SHOC2: variants seen among roughly 807,000 people sequenced by gnomAD.
SHOC2 encodes SHOC2 leucine rich repeat scaffold protein.
A neutral mutation model predicts 50.2 loss-of-function variants in SHOC2; 4 were observed. The observed-to-expected ratio is 0.08, with a 90% CI of 0.04 to 0.18. The LOEUF (loss-of-function observed/expected upper bound fraction) is 0.18, where lower values mean the gene tolerates loss of function less well. Ranked by LOEUF, SHOC2 falls within the 10% of genes least tolerant of loss-of-function variation. SHOC2 has a pLI of 1.00. For synonymous variants in SHOC2, 218 were observed against 244.5 expected, an observed-to-expected ratio of 0.89 and a Z score of 1.01; for missense variants, 388 against 669.6, an observed-to-expected ratio of 0.58 and a Z score of 4.64.
At chr10:110,997,778 A>G (rs1196197552) in intron 3 of SHOC2, among the ~76,000 whole-genome samples, 3 of 152,190 alleles carry the variant, frequency 2.0e-5, no homozygotes, top group Non-Finnish European at 2.9e-5. Context: ...GAACAGACAC[A>G]GAGAGGTTAA....
intron 1 of SHOC2, among the ~76,000 whole-genome samples, chr10:110,940,672 T>C (rs1265163383): frequency 6.6e-6 from 1 of 152,230 alleles, no homozygotes; most frequent in Non-Finnish European, 1.5e-5. Flanking sequence ...TTTACTGTGA[T>C]GATTTTATCA....
intron 5 of SHOC2, among the ~76,000 whole-genome samples, chr10:111,005,136 A>G (rs1024329697): frequency 6.6e-6 from 1 of 152,102 alleles, no homozygotes; most frequent in African/African-American, 2.4e-5. Context: ...AAATTTTTTA[A>G]AAATTAGCTG....
In SHOC2 at chr10:110,964,399, A is replaced by C. The variant is rs1316833682; in HGVS notation, c.41A>C (p.Lys14Thr). Reference sequence around the variant, plus strand: ...GGAAAAGAAAAAGACTCTAAAGAAAAAGATCCCAAAGTACCATCAGCCAAG... The same window carrying C: ...GGAAAAGAAAAAGACTCTAAAGAAACAGATCCCAAAGTACCATCAGCCAAG... ...SLGKEKDSKE[K>T]DPKVPSAKER... Residue 14 changes from lysine (K) to threonine (T), a missense_variant, in exon 2 of 9, where the codon AAA becomes ACA. By Grantham distance (78) the Lys-to-Thr change is moderately conservative. Transcript: ENST00000369452. The surrounding 1 kb of genome is among the most constrained non-coding windows in gnomAD (Gnocchi z 4.9). The C allele has an allele frequency of 6.2e-7, 1 of 1,613,206 alleles. No individual in the cohort carries two copies. Among genetic ancestry groups the C allele is most frequent in the Admixed American group, 1.7e-5 (1 of 59,764 alleles).
intron 1 of SHOC2, among the ~76,000 whole-genome samples, chr10:110,947,766 C>CAA (rs35892835): frequency 0.018 from 1,859 of 104,748 alleles, 15 homozygotes; most frequent in Non-Finnish European, 0.023. Flanking sequence ...AAATAAGTAC[C>CAA]AAAAAAAAAA....
At chr10:110,937,609 C>T (rs991521799) in intron 1 of SHOC2, among the ~76,000 whole-genome samples, 2 of 152,174 alleles carry the variant, frequency 1.3e-5, no homozygotes, top group East Asian at 1.9e-4. Flanking sequence ...ACCATACCAT[C>T]TTTCAAATTA....
chr10:110,925,696 A>G (rs986169854), intron 1 of SHOC2, among the ~76,000 whole-genome samples: 1 of 152,302 alleles, frequency 6.6e-6, no homozygotes, highest in African/African-American at 2.4e-5. Flanking sequence ...AGCTCAAACA[A>G]TCCACCTGCC....
At chr10:110,929,577 C>T (rs1017413779) in intron 1 of SHOC2, among the ~76,000 whole-genome samples, 4 of 152,120 alleles carry the variant, frequency 2.6e-5, no homozygotes, top group African/African-American at 9.7e-5. Context: ...CTAGAAAGTC[C>T]GAGATTGAGG....
In SHOC2 at chr10:111,009,814, C is replaced by T; in HGVS notation, c.1524C>T (p.His508=). ...HLGLGENLLT[H]LPEEIGTLEN... is the part of the protein sequence containing the mutation. ...GCCTTGGAGAGAACCTACTTACTCA[C>T]CTTCCTGAAGAAATTGGTATGAACC... The change falls in exon 8 of 9, where the codon CAC becomes CAT. Residue 508 remains histidine (H), a synonymous_variant. Transcript: ENST00000369452. 2.5e-6 allele frequency: 4 copies of T among 1,599,078 alleles called. No homozygotes were observed. Among genetic ancestry groups the T allele is most frequent in the Non-Finnish European group, 3.4e-6 (4 of 1,166,358 alleles).
chr10:110,934,112 GTA>G (rs1846950100), intron 1 of SHOC2, among the ~76,000 whole-genome samples: 1 of 152,210 alleles, frequency 6.6e-6, no homozygotes, highest in Non-Finnish European at 1.5e-5. Context: ...GGCTGGAAGA[GTA>G]TAAGTTGATG....
intron 1 of SHOC2, among the ~76,000 whole-genome samples, chr10:110,935,608 G>A (rs1211292048): frequency 4.6e-5 from 7 of 151,914 alleles, no homozygotes; most frequent in Non-Finnish European, 1.0e-4. Flanking sequence ...TGTTCATATA[G>A]TTACATTCTA....
Position 110,937,085 on chromosome 10 carries a change from T to G in SHOC2, c.-235+17428T>G, listed in dbSNP as rs752714960. 12 of 1,476,334 alleles carry G rather than the reference T, an allele frequency of 8.1e-6. No homozygotes were observed. In the South Asian group the frequency reaches 1.4e-4, roughly 17 times the overall value. 91.5% of individuals were successfully genotyped at this position (1,476,334 alleles called of 1,614,324 possible). A position where few individuals can be genotyped will look rare whatever the true frequency, so the allele number is the denominator to read the frequency against. ...GAGGAAAGCCAAGTACTTCAACTTG[T>G]TTCTGTAGAAATTGCCAGAAATGTT... On this transcript the variant is annotated intron_variant, in intron 1 of 8. Transcript: ENST00000369452.
intron 8 of SHOC2, among the ~76,000 whole-genome samples, chr10:111,010,988 G>T (rs1444937678): frequency 6.6e-6 from 1 of 152,066 alleles, no homozygotes; most frequent in Non-Finnish European, 1.5e-5. Flanking sequence ...TATATTTCTA[G>T]TATATTTATT....
chr10:110,969,997 C>T lies in SHOC2; in HGVS notation c.703+4936C>T, dbSNP rs1847748817. ...GATAATGAAATCATGGTAATTAGCA[C>T]ATCCGTCACCTCAAACATTTATCAT... On this transcript the variant is annotated intron_variant, in intron 2 of 8. Transcript: ENST00000369452. Among the ~76,000 whole-genome samples the T allele has an allele frequency of 2.0e-5, 3 of 152,158 alleles. No homozygotes were observed. The South Asian group carries it at 6.2e-4, about 31-fold the overall frequency.
intron 1 of SHOC2, chr10:110,936,844 CT>C: frequency 7.5e-7 from 1 of 1,341,958 alleles, no homozygotes. Flanking sequence ...TTCTTGTAGG[CT>C]TCAGACGCAC....
At chr10:110,919,770 T>A (rs1209535533) in intron 1 of SHOC2, 113 bp downstream of exon 1, 1 of 392,448 alleles carries the variant, frequency 2.5e-6, no homozygotes, top group African/African-American at 2.1e-5. Context: ...CCGTGCGCCC[T>A]GACAGGCGCG....
intron 1 of SHOC2, among the ~76,000 whole-genome samples, chr10:110,959,009 TTTC>T (rs1348309750): frequency 6.6e-6 from 1 of 152,232 alleles, no homozygotes; most frequent in Non-Finnish European, 1.5e-5. Flanking sequence ...ATCTATGTAA[TTTC>T]TTAAAGGAGA....
upstream of SHOC2, chr10:110,919,523 C>CGGGGCGGGCGGGGCGGGGCGAGTGGGGGA: frequency 5.0e-5 from 5 of 100,980 alleles, no homozygotes; most frequent in Middle Eastern, 2.2e-3. Context: ...AGAGTAGTGG[C>CGGGGCGGGCGGGGCGGGGCGAGTGGGGGA]GGGGCGGGCG....
intron 2 of SHOC2, among the ~76,000 whole-genome samples, chr10:110,973,710 A>T (rs923627940): frequency 6.6e-6 from 1 of 151,996 alleles, no homozygotes; most frequent in East Asian, 1.9e-4. Context: ...TGAATTTCGA[A>T]TTCAGTTTAT....
rs1401468646 is a variant in SHOC2, at chr10:110,964,559, A to G, written c.201A>G (p.Ser67=). The G allele has an allele frequency of 6.2e-7, 1 of 1,614,040 alleles. No homozygotes were observed. Among genetic ancestry groups the G allele is most frequent in the Non-Finnish European group, 8.5e-7 (1 of 1,180,028 alleles). Residue 67 remains serine, a synonymous_variant, in exon 2 of 9, where the codon TCA becomes TCG. Transcript: ENST00000369452. The surrounding 1 kb of genome is among the most constrained non-coding windows in gnomAD (Gnocchi z 4.9). The part of the protein sequence containing the change: ...SSAAQPGVAF[S]VDNTIKRPNP... ...CTGCCCAACCAGGGGTGGCATTTTC[A>G]GTTGACAATACGATCAAACGGCCAA...
Sources: gnomAD v4.1 joint callset for allele counts (sites outside exome capture counted in the v4.1 genomes callset) on GRCh38, gnomAD v4.1.1 for gene constraint, Gnocchi (gnomAD v3.1) non-coding constraint, MANE v1.5 for transcripts, NCBI Gene and HGNC (gene_info 2026-07-23, HGNC 2026-07-21) for gene names.